Variants in SHB observed in about 807,000 individuals in gnomAD.
SHB encodes SH2 domain-containing adapter protein B.
In SHB, 20 loss-of-function variants were observed where a neutral mutation model predicts 52.3. The ratio of observed to expected loss-of-function variants is 0.38; its 90% confidence interval spans 0.27 to 0.56. SHB has a LOEUF of 0.56. Ranked by LOEUF, SHB falls within the 20% of genes least tolerant of loss-of-function variation. The pLI is 0.71. For missense variants in SHB, 825 were observed against 723.3 expected, an observed-to-expected ratio of 1.14 and a Z score of -1.61; for synonymous variants, 397 against 316.5, an observed-to-expected ratio of 1.25 and a Z score of -2.70.
rs1054533596 is a variant in SHB, at chr9:37,917,992, T to C, written c.*1829A>G. ...CAGGGCTCAGTCCCAGCTCGACACGTGGCCTTGGCGAGTCCTCCTTCTCCG... is the reference window on the plus strand; with the variant it reads ...CAGGGCTCAGTCCCAGCTCGACACGCGGCCTTGGCGAGTCCTCCTTCTCCG... On this transcript the variant is annotated 3_prime_UTR_variant, in exon 6 of 6. Transcript: ENST00000377707. 6.6e-5 allele frequency among the ~76,000 whole-genome samples: 10 copies of C among 152,222 alleles called. No individual in the cohort carries two copies. The East Asian group carries it at 1.9e-3, about 29-fold the overall frequency.
At chr9:37,978,896 A>G (rs1820688249) in intron 2 of SHB, among the ~76,000 whole-genome samples, 1 of 152,252 alleles carries the variant, frequency 6.6e-6, no homozygotes, top group East Asian at 1.9e-4. Flanking sequence ...GAGAGTAAAT[A>G]TGATTTTAAG....
intron 3 of SHB, among the ~76,000 whole-genome samples, chr9:37,967,014 G>T (rs1171923421): frequency 6.6e-6 from 1 of 152,188 alleles, no homozygotes; most frequent in Non-Finnish European, 1.5e-5. Context: ...CCACACACAG[G>T]ATATCAAGGC....
At chr9:38,033,482 G>A (rs981265629) in intron 1 of SHB, among the ~76,000 whole-genome samples, 2 of 152,134 alleles carry the variant, frequency 1.3e-5, no homozygotes, top group Non-Finnish European at 2.9e-5. Flanking sequence ...CCGCGAGTTC[G>A]AGACCAGCCT....
intron 2 of SHB, among the ~76,000 whole-genome samples, chr9:37,985,209 T>C (rs1820789840): frequency 6.6e-6 from 1 of 152,210 alleles, no homozygotes; most frequent in Non-Finnish European, 1.5e-5. Flanking sequence ...CCTGATCTTT[T>C]ATGCTCAGCC....
intron 1 of SHB, among the ~76,000 whole-genome samples, chr9:38,053,517 G>T (rs1430017897): frequency 1.3e-5 from 2 of 152,196 alleles, no homozygotes; most frequent in Admixed American, 6.5e-5. Context: ...GATTACAGGT[G>T]TGAGCCACCA....
At chr9:37,921,359 C>G (rs1312978612) in intron 5 of SHB, among the ~76,000 whole-genome samples, 2 of 152,208 alleles carry the variant, frequency 1.3e-5, no homozygotes, top group Non-Finnish European at 2.9e-5. Flanking sequence ...TTGAACACAT[C>G]TCTTCCAGTC....
At chr9:37,977,849 C>T (rs556649829) in intron 2 of SHB, among the ~76,000 whole-genome samples, 2 of 152,186 alleles carry the variant, frequency 1.3e-5, no homozygotes, top group African/African-American at 4.8e-5. Context: ...TTCACAAAAG[C>T]AGGACCAGCA....
At chr9:37,921,962 G>T (rs776008) in intron 5 of SHB, among the ~76,000 whole-genome samples, 2 of 152,104 alleles carry the variant, frequency 1.3e-5, no homozygotes, top group African/African-American at 2.4e-5. Flanking sequence ...GGTGTGGAAG[G>T]GCGAGAGAGC....
rs373265608 is a variant in SHB, at chr9:37,974,798, C to A, written c.878G>T (p.Gly293Val). 1.2e-6 allele frequency: 2 copies of A among 1,614,120 alleles called. No individual in the cohort carries two copies. The highest frequency in any genetic ancestry group is 1.7e-6 in the Non-Finnish European group (2 of 1,180,008). Reference protein sequence around the residue: ...RQESVRSQHKGIQLYDTPYEP... With the variant: ...RQESVRSQHKVIQLYDTPYEP... ...GTAAGGGGTGTCATATAACTGGATA[C>A]CTTTATGCTGGGACCGGACACTTTC... Residue 293 changes from glycine (G) to valine (V), a missense_variant, in exon 3 of 6, where the codon GGT (glycine) becomes GTT (valine). Physicochemically the swap from Gly to Val is moderately radical, Grantham distance 109 (BLOSUM62 -3). Coordinates refer to ENST00000377707, the MANE Select transcript of SHB (RefSeq NM_003028.3).
chr9:37,974,896 T>C (rs1030768098), intron 2 of SHB, 59 bp from the exon 3 acceptor site: 55 of 1,390,540 alleles, frequency 4.0e-5, no homozygotes, highest in Non-Finnish European at 4.2e-5. Context: ...CTCACCTGCA[T>C]TCCCACCCAG....
intron 5 of SHB, among the ~76,000 whole-genome samples, chr9:37,923,860 AG>A (rs1832212991): frequency 6.6e-6 from 1 of 152,212 alleles, no homozygotes; most frequent in Non-Finnish European, 1.5e-5. Flanking sequence ...ACAGCAAGGC[AG>A]GCTGCAGGTG....
chr9:38,068,689 C>T lies in SHB; in HGVS notation c.-44G>A. On this transcript the variant is annotated 5_prime_UTR_variant, in exon 1 of 6. Coordinates refer to ENST00000377707, the MANE Select transcript of SHB (RefSeq NM_003028.3). ...GCCGCGGCGCGGGAGCCCGGTCCGC[C>T]GCCGCGGCCATTCGGGGGGCAGCGC... is the stretch of plus-strand genomic sequence containing the variant. 2 of 1,251,696 alleles carry T rather than the reference C, an allele frequency of 1.6e-6. No homozygotes were observed. Among genetic ancestry groups the T allele is most frequent in the South Asian group, 5.8e-5 (2 of 34,440 alleles). The allele number at this position is 1,251,696 out of a possible 1,614,324, so 77.5% of individuals were successfully genotyped here. A position where few individuals can be genotyped will look rare whatever the true frequency, so the allele number is the denominator to read the frequency against.
chr9:37,998,122 G>A (rs1463088499), intron 2 of SHB, among the ~76,000 whole-genome samples: 1 of 151,946 alleles, frequency 6.6e-6, no homozygotes, highest in Non-Finnish European at 1.5e-5. Context: ...GTAAAGGGGA[G>A]CGCGACGGGG....
intron 3 of SHB, among the ~76,000 whole-genome samples, chr9:37,968,434 A>C (rs1349600037): frequency 2.6e-5 from 4 of 152,198 alleles, no homozygotes; most frequent in Non-Finnish European, 5.9e-5. Flanking sequence ...ACTGTCCTAA[A>C]CTTCTAGGGC....
At chr9:37,932,435 A>G (rs1409649210) in intron 5 of SHB, among the ~76,000 whole-genome samples, 1 of 151,928 alleles carries the variant, frequency 6.6e-6, no homozygotes, top group Non-Finnish European at 1.5e-5. Flanking sequence ...AGAGGGTACA[A>G]AAGAGCAGAC....
chr9:37,942,653 C>A (rs1407219600), intron 5 of SHB, among the ~76,000 whole-genome samples: 3 of 152,202 alleles, frequency 2.0e-5, no homozygotes, highest in African/African-American at 7.2e-5. Flanking sequence ...AGGCAAGCAT[C>A]CCGTGATGCT....
At chr9:37,988,762 C>T (rs1041693518) in intron 2 of SHB, among the ~76,000 whole-genome samples, 2 of 152,220 alleles carry the variant, frequency 1.3e-5, no homozygotes, top group African/African-American at 2.4e-5. Context: ...AGATTGCACA[C>T]CCCTCCTTGT....
intron 2 of SHB, among the ~76,000 whole-genome samples, chr9:38,010,379 G>A (rs1821123943): frequency 6.6e-6 from 1 of 152,136 alleles, no homozygotes; most frequent in Admixed American, 6.5e-5. Flanking sequence ...ACGATCTCAG[G>A]CACAAAAACA....
chr9:38,009,594 T>C (rs967274421), intron 2 of SHB, among the ~76,000 whole-genome samples: 3 of 152,178 alleles, frequency 2.0e-5, no homozygotes, highest in African/African-American at 4.8e-5. Flanking sequence ...GAGGCCACAA[T>C]TGGAACATCG....
Sources: allele counts gnomAD v4.1 joint callset (sites outside exome capture counted in the v4.1 genomes callset), GRCh38; gene constraint gnomAD v4.1.1; transcripts MANE v1.5; gene names NCBI Gene and HGNC (gene_info 2026-07-23, HGNC 2026-07-21).